Variants in HOXB3 observed in about 807,000 individuals in gnomAD.
HOXB3 encodes homeobox protein Hox-B3.
In HOXB3, 17 loss-of-function variants were observed where a neutral mutation model predicts 29.2. That is an observed-to-expected ratio of 0.58 (90% CI 0.40 to 0.87). HOXB3 has a LOEUF of 0.87. HOXB3 is among the 40% of genes least tolerant of loss of function. The pLI, the probability that HOXB3 is intolerant of heterozygous loss-of-function variation, is 0.00. For synonymous variants in HOXB3, 317 were observed against 285.9 expected (o/e 1.11, Z -1.10); for missense variants, 637 against 616.3 (o/e 1.03, Z -0.35).
intron 2 of HOXB3, among the ~76,000 whole-genome samples, chr17:48,568,617 A>T (rs1056527098): frequency 1.3e-5 from 2 of 150,600 alleles, no homozygotes; most frequent in South Asian, 4.2e-4. Flanking sequence ...ACTCGCTCAC[A>T]AACACACGCA....
In HOXB3 at chr17:48,578,703, C is replaced by G. The variant is rs1046497550; in HGVS notation, c.-424-4689G>C. The G allele has an allele frequency of 3.9e-5, 10 of 254,460 alleles. No individual in the cohort carries two copies. In the Admixed American group the frequency reaches 4.6e-4, roughly 12 times the overall value. 15.8% of individuals were successfully genotyped at this position (254,460 alleles called of 1,614,324 possible). ...TTGGGGCGCTAGGCAGAGCGCAAAC[C>G]CTAGATCCCTTAAGAAGTTGGGGCT... On this transcript the variant is annotated intron_variant, in intron 1 of 4. Transcript: ENST00000498678.
Position 48,550,186 on chromosome 17 carries a change from G to C in HOXB3, c.*148C>G. On this transcript the variant is annotated 3_prime_UTR_variant, in exon 5 of 5. Transcript: ENST00000498678. ...TTAAAAGCAACCTCTCAGGCCAGGG[G>C]GAAGGGAAGGAGCTCCAGGCCGGTT... is the stretch of plus-strand genomic sequence containing the variant. 9.8e-7 allele frequency: 1 copy of C among 1,018,856 alleles called. No individual in the cohort carries two copies. Among genetic ancestry groups the C allele is most frequent in the Non-Finnish European group, 1.4e-6 (1 of 709,646 alleles). 63.1% of individuals were successfully genotyped at this position (1,018,856 alleles called of 1,614,324 possible).
chr17:48,585,382 G>A (rs2070026947), intron 1 of HOXB3, among the ~76,000 whole-genome samples: 2 of 152,258 alleles, frequency 1.3e-5, no homozygotes, highest in South Asian at 4.1e-4. Context: ...AGAGCTTGGA[G>A]CAGGGGCTCC....
intron 2 of HOXB3, among the ~76,000 whole-genome samples, chr17:48,569,060 TC>T (rs869261219): frequency 6.9e-4 from 57 of 82,410 alleles, no homozygotes; most frequent in African/African-American, 1.4e-3. Context: ...CCTCTCTCTC[TC>T]CCCCCTCTCT....
intron 1 of HOXB3, among the ~76,000 whole-genome samples, chr17:48,585,015 T>C (rs1319277281): frequency 6.7e-6 from 1 of 148,654 alleles, no homozygotes; most frequent in Non-Finnish European, 1.5e-5. Context: ...CCTCCGGCAA[T>C]AACACTGGCC....
At position 48,552,556 on chromosome 17, in the gene HOXB3, C is replaced by G. The variant is rs2068797954; in HGVS notation, c.-82G>C. 1.8e-5 allele frequency: 18 copies of G among 1,025,306 alleles called. No individual in the cohort carries two copies. The South Asian group carries it at 3.1e-4, about 18-fold the overall frequency. 63.5% of individuals were successfully genotyped at this position (1,025,306 alleles called of 1,614,324 possible). On this transcript the variant is annotated 5_prime_UTR_variant, in exon 4 of 5. Coordinates refer to ENST00000498678, the MANE Select transcript of HOXB3 (RefSeq NM_001384749.1). ...ACCGGACATTGGCAACCCTGGGGGTCACGTGACACGCCGGACCCCCCCCCC... is the reference window on the plus strand; with the variant it reads ...ACCGGACATTGGCAACCCTGGGGGTGACGTGACACGCCGGACCCCCCCCCC...
At chr17:48,571,277 C>G (rs1287530785) in intron 2 of HOXB3, among the ~76,000 whole-genome samples, 1 of 152,236 alleles carries the variant, frequency 6.6e-6, no homozygotes, top group Non-Finnish European at 1.5e-5. Flanking sequence ...TGAGAAACTT[C>G]CCAACTCCGT....
intron 1 of HOXB3, among the ~76,000 whole-genome samples, chr17:48,586,010 G>T (rs1454304639): frequency 1.3e-5 from 2 of 152,212 alleles, no homozygotes; most frequent in Non-Finnish European, 2.9e-5. Context: ...GGGATCCAGG[G>T]ATCGTTGCGA....
intron 2 of HOXB3, among the ~76,000 whole-genome samples, chr17:48,568,228 C>T (rs2069454359): frequency 6.6e-6 from 1 of 152,150 alleles, no homozygotes; most frequent in African/African-American, 2.4e-5. Context: ...AGGGGAGCTG[C>T]TAAAAAATGG....
chr17:48,554,707 C>A lies in HOXB3; in HGVS notation c.-159+824G>T. On this transcript the variant is annotated intron_variant, in intron 3 of 4. Transcript: ENST00000498678. The surrounding 1 kb of genome is among the most constrained non-coding windows in gnomAD (Gnocchi z 4.1). Reference sequence around the variant, plus strand: ...TTATCGGAGGCAGGTTCCCAGCACACCAGCCGGCCGAGGGCCGAGCCCCGC... The same window carrying A: ...TTATCGGAGGCAGGTTCCCAGCACAACAGCCGGCCGAGGGCCGAGCCCCGC... 1 of 702,350 alleles carries A rather than the reference C, an allele frequency of 1.4e-6. No individual in the cohort carries two copies. Among genetic ancestry groups the A allele is most frequent in the Non-Finnish European group, 2.6e-6 (1 of 384,816 alleles). 43.5% of individuals were successfully genotyped at this position (702,350 alleles called of 1,614,324 possible).
chr17:48,551,602 C>A (rs900356324), intron 4 of HOXB3, among the ~76,000 whole-genome samples: 3 of 152,234 alleles, frequency 2.0e-5, no homozygotes, highest in Non-Finnish European at 4.4e-5. Context: ...TCGGGGTAAT[C>A]TGGACACTCG....
intron 4 of HOXB3, 76 bp downstream of exon 4, chr17:48,551,951 G>A (rs2068765879): frequency 9.9e-6 from 14 of 1,421,086 alleles, no homozygotes; most frequent in African/African-American, 1.4e-5. Flanking sequence ...GGGCGCCTAG[G>A]GGCTGGGTGC....
intron 1 of HOXB3, among the ~76,000 whole-genome samples, chr17:48,588,701 C>T (rs2070090725): frequency 6.6e-6 from 1 of 152,192 alleles, no homozygotes; most frequent in Non-Finnish European, 1.5e-5. Flanking sequence ...GATACAAATG[C>T]CCTCATCATT....
In HOXB3 at chr17:48,552,569, G is replaced by A. The variant is rs2068798668; in HGVS notation, c.-95C>T. 9.4e-6 allele frequency: 8 copies of A among 849,446 alleles called. No homozygotes were observed. The highest frequency in any genetic ancestry group is 2.1e-5 in the African/African-American group (1 of 47,268). 52.6% of individuals were successfully genotyped at this position (849,446 alleles called of 1,614,324 possible). A position where few individuals can be genotyped will look rare whatever the true frequency, so the allele number is the denominator to read the frequency against. Reference sequence around the variant, plus strand: ...AACCCTGGGGGTCACGTGACACGCCGGACCCCCCCCCCCCACCTCCCCTCT... The same window carrying A: ...AACCCTGGGGGTCACGTGACACGCCAGACCCCCCCCCCCCACCTCCCCTCT... On this transcript the variant is annotated 5_prime_UTR_variant, in exon 4 of 5. Coordinates refer to ENST00000498678, the MANE Select transcript of HOXB3 (RefSeq NM_001384749.1).
At chr17:48,557,101 T>C (rs2069021515) in intron 2 of HOXB3, among the ~76,000 whole-genome samples, 1 of 152,102 alleles carries the variant, frequency 6.6e-6, no homozygotes. Flanking sequence ...GGAATAGTCA[T>C]TCCGGGAGGA....
rs916823059 is a variant in HOXB3 at position 48,549,336 on chromosome 17, A to C, written c.*998T>G. 2 of 152,628 alleles carry C rather than the reference A, an allele frequency of 1.3e-5. No homozygotes were observed. The highest frequency in any genetic ancestry group is 1.9e-4 in the East Asian group (1 of 5,206). 9.5% of individuals were successfully genotyped at this position (152,628 alleles called of 1,614,324 possible). A position where few individuals can be genotyped will look rare whatever the true frequency, so the allele number is the denominator to read the frequency against. Reference sequence around the variant, plus strand: ...AGCAATGCTGGACTTCTGCAGGCCCAGACATCTCTCACAGTTGTTTTTACA... The same window carrying C: ...AGCAATGCTGGACTTCTGCAGGCCCCGACATCTCTCACAGTTGTTTTTACA... On this transcript the variant is annotated 3_prime_UTR_variant, in exon 5 of 5. Transcript: ENST00000498678.
intron 1 of HOXB3, chr17:48,575,127 A>T (rs1364222275): frequency 6.6e-6 from 1 of 152,262 alleles, no homozygotes; most frequent in Non-Finnish European, 1.5e-5. Context: ...GTCTAAAAGG[A>T]GACAGCTTAA....
At chr17:48,570,355 G>C (rs1414647430) in intron 2 of HOXB3, among the ~76,000 whole-genome samples, 2 of 152,150 alleles carry the variant, frequency 1.3e-5, no homozygotes, top group Non-Finnish European at 2.9e-5. Flanking sequence ...TAGAATCAGA[G>C]TTCTCGGCCG....
chr17:48,586,220 A>T (rs1727885842), intron 1 of HOXB3, among the ~76,000 whole-genome samples: 1 of 152,246 alleles, frequency 6.6e-6, no homozygotes, highest in African/African-American at 2.4e-5. Flanking sequence ...TAAATCACTG[A>T]GAAAAGGAAT....
Sources: gnomAD v4.1 joint callset for allele counts (sites outside exome capture counted in the v4.1 genomes callset) on GRCh38, gnomAD v4.1.1 for gene constraint, Gnocchi (gnomAD v3.1) non-coding constraint, MANE v1.5 for transcripts, NCBI Gene and HGNC (gene_info 2026-07-23, HGNC 2026-07-21) for gene names.